Variants in PAM observed in about 807,000 individuals in gnomAD.
PAM encodes the protein peptidylglycine alpha-amidating monooxygenase.
A neutral mutation model predicts 122.1 loss-of-function variants in PAM; 72 were observed. The observed-to-expected ratio is 0.59, with a 90% CI of 0.49 to 0.72. The LOEUF is 0.72. Ranked by LOEUF, PAM falls within the 30% of genes least tolerant of loss-of-function variation. The pLI, the probability that PAM is intolerant of heterozygous loss-of-function variation, is 0.00. For missense variants in PAM, 1,106 were observed against 1,183.7 expected (o/e 0.93, Z 0.96); for synonymous variants, 389 against 404.4 (o/e 0.96, Z 0.46).
At chr5:102,810,555 G>A (rs766364868) in intron 1 of PAM, among the ~76,000 whole-genome samples, 3 of 152,216 alleles carry the variant, frequency 2.0e-5, no homozygotes, top group Non-Finnish European at 4.4e-5. Context: ...TTAAGGCCAG[G>A]TGCAGTGGCT....
At chr5:102,856,450 T>G (rs1782643834) in intron 1 of PAM, among the ~76,000 whole-genome samples, 1 of 152,158 alleles carries the variant, frequency 6.6e-6, no homozygotes, top group South Asian at 2.1e-4. Context: ...AACTTGACAG[T>G]TCAGTCTTTA....
intron 17 of PAM, among the ~76,000 whole-genome samples, chr5:103,004,157 A>G (rs1373625722): frequency 1.3e-5 from 2 of 152,170 alleles, no homozygotes; most frequent in Admixed American, 6.5e-5. Flanking sequence ...GATGATAATA[A>G]TGATGCTTAG....
intron 1 of PAM, among the ~76,000 whole-genome samples, chr5:102,797,294 A>C (rs1763618157): frequency 6.6e-6 from 1 of 152,190 alleles, no homozygotes; most frequent in Non-Finnish European, 1.5e-5. Flanking sequence ...GTGCTTTTAA[A>C]AATCCAATGT....
intron 5 of PAM, among the ~76,000 whole-genome samples, chr5:102,924,579 C>T (rs988953690): frequency 1.3e-5 from 2 of 152,054 alleles, no homozygotes; most frequent in African/African-American, 4.8e-5. Context: ...ATGTGTATGA[C>T]ACTTTTTTTA....
intron 1 of PAM, among the ~76,000 whole-genome samples, chr5:102,794,644 C>T (rs956220485): frequency 6.6e-6 from 1 of 151,958 alleles, no homozygotes; most frequent in African/African-American, 2.4e-5. Context: ...GATTCCACCA[C>T]CAAAAAATTA....
chr5:102,932,551 A>G (rs957443706), intron 7 of PAM, among the ~76,000 whole-genome samples: 2 of 149,310 alleles, frequency 1.3e-5, no homozygotes, highest in Non-Finnish European at 3.0e-5. Context: ...ATATGTATGT[A>G]TGTGTGTGTA....
chr5:102,998,097 G>T (rs1776260660), intron 16 of PAM, among the ~76,000 whole-genome samples: 1 of 152,186 alleles, frequency 6.6e-6, no homozygotes, highest in Admixed American at 6.5e-5. Flanking sequence ...TATAAGAAAT[G>T]CTTTAAGTTA....
At chr5:102,818,616 C>T (rs906846717) in intron 1 of PAM, among the ~76,000 whole-genome samples, 2 of 152,136 alleles carry the variant, frequency 1.3e-5, no homozygotes, top group Admixed American at 1.3e-4. Context: ...GCCCTTCCCT[C>T]TGCCTCATTT....
intron 7 of PAM, among the ~76,000 whole-genome samples, chr5:102,939,755 C>T (rs1754483876): frequency 6.6e-6 from 1 of 151,912 alleles, no homozygotes; most frequent in Non-Finnish European, 1.5e-5. Context: ...ATACCAGGGA[C>T]TACATGCATA....
intron 1 of PAM, among the ~76,000 whole-genome samples, chr5:102,758,743 G>T (rs149166547): frequency 1.3e-5 from 2 of 152,290 alleles, no homozygotes; most frequent in East Asian, 3.9e-4. Context: ...AGCATTAAAT[G>T]AGCTAATCCA....
At chr5:102,805,523 G>C (rs948358972) in intron 1 of PAM, among the ~76,000 whole-genome samples, 1 of 152,142 alleles carries the variant, frequency 6.6e-6, no homozygotes, top group South Asian at 2.1e-4. Context: ...GTCAGAGCTC[G>C]ATGGGGCCAG....
At chr5:102,803,060 C>G (rs969370196) in intron 1 of PAM, among the ~76,000 whole-genome samples, 2 of 151,342 alleles carry the variant, frequency 1.3e-5, no homozygotes, top group African/African-American at 4.9e-5. Flanking sequence ...GAGGTTGAAA[C>G]TGCAGTGTGC....
Position 102,853,935 on chromosome 5 carries a change from C to G in PAM, c.-373-11888C>G, listed in dbSNP as rs142544844. ...CATGAAGTAAAAATTTATTTAAAAG[C>G]ATTACTGATTCAGTAATGATTCAGC... On this transcript the variant is annotated intron_variant, in intron 1 of 25. Transcript: ENST00000438793. Among the ~76,000 whole-genome samples, 1,017 of 152,298 alleles carry G rather than the reference C, an allele frequency of 6.7e-3. 8 individuals are homozygous for G. Among genetic ancestry groups the G allele is most frequent in the Non-Finnish European group, 0.012 (850 of 68,014 alleles).
At position 102,887,602 on chromosome 5, in the gene PAM, C is replaced by A. The variant is rs116245343; in HGVS notation, c.211-13754C>A. On this transcript the variant is annotated intron_variant, in intron 3 of 25. Coordinates refer to ENST00000438793, the MANE Select transcript of PAM (RefSeq NM_001177306.2). ...GAAATTTATAGTGTAGTAAATATTT[C>A]ATCTTCTTGGTTAACATGGTTGGAA... Among the ~76,000 whole-genome samples the A allele has an allele frequency of 1.7e-3, 252 of 152,074 alleles. 1 individual carries two copies. Among genetic ancestry groups the A allele is most frequent in the African/African-American group, 5.8e-3 (240 of 41,536 alleles).
At chr5:102,846,782 CA>C (rs753085978) in intron 1 of PAM, among the ~76,000 whole-genome samples, 3 of 152,162 alleles carry the variant, frequency 2.0e-5, no homozygotes, top group Non-Finnish European at 4.4e-5. Context: ...TCTTGATTTA[CA>C]AAGTGATGTT....
Position 102,788,486 on chromosome 5 carries a change from AT to A in PAM, c.-374+33141del, listed in dbSNP as rs1461276427. Among the ~76,000 whole-genome samples, 4 of 152,150 alleles carry A rather than the reference AT, an allele frequency of 2.6e-5. No individual in the cohort carries two copies. The East Asian group carries it at 7.7e-4, about 29-fold the overall frequency. On this transcript the variant is annotated intron_variant, in intron 1 of 25. Transcript: ENST00000438793. ...TCTCCTCAGCTGGTCAGTAATTCAC[AT>A]TTAAGAATTTTAAAATGGTTGCTTT... is the stretch of plus-strand genomic sequence containing the variant.
chr5:102,838,547 A>T (rs1039887193), intron 1 of PAM: 2 of 152,170 alleles, frequency 1.3e-5, no homozygotes, highest in Admixed American at 6.5e-5. Flanking sequence ...CTGAGGTTTT[A>T]GTTGAGTGTA....
At chr5:102,923,399 A>AT (rs1748144132) in intron 5 of PAM, among the ~76,000 whole-genome samples, 2 of 152,018 alleles carry the variant, frequency 1.3e-5, no homozygotes, top group East Asian at 3.9e-4. Context: ...GGCAGTGTAC[A>AT]TTTTTTTCTG....
At chr5:102,921,252 C>T (rs1581712730) in intron 5 of PAM, among the ~76,000 whole-genome samples, 2 of 152,114 alleles carry the variant, frequency 1.3e-5, no homozygotes, top group South Asian at 4.1e-4. Context: ...TCAAGAGTTA[C>T]ATTGCTTCCC....
Sources: gnomAD v4.1 joint callset for allele counts (sites outside exome capture counted in the v4.1 genomes callset) on GRCh38, gnomAD v4.1.1 for gene constraint, MANE v1.5 for transcripts, NCBI Gene and HGNC (gene_info 2026-07-23, HGNC 2026-07-21) for gene names.